The following MAF variants were observed in gnomAD, a reference collection of about 807,000 sequenced individuals.
The protein encoded by MAF is MAF bZIP transcription factor.
MAF carries 10 observed loss-of-function variants against 22.0 expected under a neutral mutation model. That is an observed-to-expected ratio of 0.45 (90% CI 0.28 to 0.77). The LOEUF is 0.77. MAF is among the 30% of genes least tolerant of loss of function. MAF has a pLI of 0.12. For synonymous variants in MAF, 337 were observed against 255.8 expected, an observed-to-expected ratio of 1.32 and a Z score of -3.03; for missense variants, 544 against 548.4, an observed-to-expected ratio of 0.99 and a Z score of 0.08.
chr16:79,312,422 G>C, the MAF span, among the ~76,000 whole-genome samples: 1 of 152,158 alleles, frequency 6.6e-6, no homozygotes, highest in Non-Finnish European at 1.5e-5. Context: ...TTTAATAGCT[G>C]ACCTCCATAC....
At chr16:79,502,417 G>A in the MAF span, among the ~76,000 whole-genome samples, 1 of 152,118 alleles carries the variant, frequency 6.6e-6, no homozygotes, top group African/African-American at 2.4e-5. Flanking sequence ...CCTAACTCCA[G>A]CACTTTGGGA....
the MAF span, among the ~76,000 whole-genome samples, chr16:79,535,041 C>A: frequency 6.6e-6 from 1 of 152,108 alleles, no homozygotes; most frequent in Non-Finnish European, 1.5e-5. Context: ...AAGATTTTGA[C>A]CTTCTTTGGT....
chr16:79,571,972 T>A, the MAF span, among the ~76,000 whole-genome samples: 1 of 152,192 alleles, frequency 6.6e-6, no homozygotes, highest in Non-Finnish European at 1.5e-5. Context: ...CTCTTCATTT[T>A]CCTTCTCCTA....
chr16:79,208,319 C>A, the MAF span, among the ~76,000 whole-genome samples: 3 of 152,100 alleles, frequency 2.0e-5, no homozygotes, highest in Non-Finnish European at 1.5e-5. Context: ...TAGACACCTC[C>A]CCCGTTTCCC....
the MAF span, among the ~76,000 whole-genome samples, chr16:79,298,232 C>T: frequency 6.6e-6 from 1 of 152,228 alleles, no homozygotes; most frequent in Non-Finnish European, 1.5e-5. Flanking sequence ...GGAGATGTGG[C>T]ATCTCTGGCT....
the MAF span, among the ~76,000 whole-genome samples, chr16:79,459,355 C>T: frequency 1.3e-5 from 2 of 152,144 alleles, no homozygotes; most frequent in Non-Finnish European, 2.9e-5. Flanking sequence ...GTGACTGCAG[C>T]GATCACAACA....
intron 1 of MAF, chr16:79,595,825 T>C: frequency 9.5e-7 from 1 of 1,057,962 alleles, no homozygotes; most frequent in Non-Finnish European, 1.1e-6. Context: ...TGAAATATGA[T>C]TTGATAACAT....
chr16:79,538,431 T>G, the MAF span, among the ~76,000 whole-genome samples: 1 of 152,158 alleles, frequency 6.6e-6, no homozygotes, highest in African/African-American at 2.4e-5. Flanking sequence ...TATTTAAATG[T>G]CCGATATAAA....
At chr16:79,551,295 C>T in the MAF span, among the ~76,000 whole-genome samples, 1 of 152,090 alleles carries the variant, frequency 6.6e-6, no homozygotes, top group Non-Finnish European at 1.5e-5. Context: ...CAGGAAGAGG[C>T]ACCCAAGGCA....
chr16:79,235,080 A>G, the MAF span, among the ~76,000 whole-genome samples: 1 of 152,106 alleles, frequency 6.6e-6, no homozygotes, highest in Non-Finnish European at 1.5e-5. Context: ...ATGCAAAAGC[A>G]ATAAAGACAA....
chr16:79,351,015 TC>T, the MAF span, among the ~76,000 whole-genome samples: 2 of 152,004 alleles, frequency 1.3e-5, no homozygotes, highest in African/African-American at 4.8e-5. Flanking sequence ...GGCTTGAGAA[TC>T]CTACAGACAC....
the MAF span, among the ~76,000 whole-genome samples, chr16:79,334,030 T>C: frequency 0.76 from 116,005 of 152,236 alleles, 46,316 homozygotes; most frequent in Non-Finnish European, 0.9. Context: ...GAATGACTTA[T>C]TCCTAATTCA....
At chr16:79,589,732 C>G (rs905320082), downstream of MAF, among the ~76,000 whole-genome samples, 5 of 152,288 alleles carry the variant, frequency 3.3e-5, no homozygotes, top group African/African-American at 4.8e-5. Context: ...GGAGCTCGCT[C>G]GCGCTAGGGC....
the MAF span, among the ~76,000 whole-genome samples, chr16:79,471,891 A>T: frequency 6.6e-6 from 1 of 152,232 alleles, no homozygotes; most frequent in Non-Finnish European, 1.5e-5. Context: ...ACCAGGTGAT[A>T]TGAGTGACAT....
At chr16:79,390,831 C>T in the MAF span, among the ~76,000 whole-genome samples, 44 of 152,260 alleles carry the variant, frequency 2.9e-4, no homozygotes, top group African/African-American at 7.7e-4. Flanking sequence ...AGCATGCCGC[C>T]GTGGGGTCTT....
chr16:79,443,989 T>G, the MAF span, among the ~76,000 whole-genome samples: 2 of 151,882 alleles, frequency 1.3e-5, no homozygotes, highest in Non-Finnish European at 2.9e-5. Context: ...TCTAAAGAGG[T>G]AGAGAATTAA....
the MAF span, chr16:79,206,547 A>C: frequency 6.6e-6 from 1 of 152,202 alleles, no homozygotes; most frequent in African/African-American, 2.4e-5. Flanking sequence ...AGCCTGGCAA[A>C]TCGTAACCTC....
the MAF span, among the ~76,000 whole-genome samples, chr16:79,487,131 G>A: frequency 6.6e-6 from 1 of 151,274 alleles, no homozygotes; most frequent in South Asian, 2.1e-4. Flanking sequence ...TTTTAATTAG[G>A]TAAGTAGGAC....
At chr16:79,284,782 G>A in the MAF span, among the ~76,000 whole-genome samples, 1 of 152,024 alleles carries the variant, frequency 6.6e-6, no homozygotes, top group Admixed American at 6.6e-5. Context: ...CACTATGAGG[G>A]CTCAACCTGA....
Sources: allele counts gnomAD v4.1 joint callset (sites outside exome capture counted in the v4.1 genomes callset), GRCh38; gene constraint gnomAD v4.1.1; transcripts MANE v1.5; gene names NCBI Gene and HGNC (gene_info 2026-07-23, HGNC 2026-07-21).